Variants in APBA1 observed in about 807,000 individuals in gnomAD.
APBA1 encodes amyloid beta precursor protein binding family A member 1.
In APBA1, 55 loss-of-function variants were observed where a neutral mutation model predicts 86.6. That is an observed-to-expected ratio of 0.64 (90% confidence interval 0.51 to 0.80). APBA1 has a LOEUF of 0.80. Ranked by LOEUF, APBA1 falls within the 30% of genes least tolerant of loss-of-function variation. The probability of loss-of-function intolerance (pLI) is 0.00; values close to 1 mark genes in which losing one functional copy is unlikely to be tolerated. For synonymous variants in APBA1, 511 were observed against 493.9 expected, an observed-to-expected ratio of 1.03 and a Z score of -0.46; for missense variants, 1,090 against 1,183.0, an observed-to-expected ratio of 0.92 and a Z score of 1.15.
rs1439369031 is a variant in APBA1, at chr9:69,523,553, A to ACACC, written c.-69-6275_-69-6274insGGTG. On this transcript the variant is annotated intron_variant, in intron 1 of 12. Coordinates refer to ENST00000265381, the MANE Select transcript of APBA1 (RefSeq NM_001163.4). Reference sequence around the variant, plus strand: ...TATATAGACACACACACACACACACACCCAACATTAGAGCACCCAGATTCA... The same window carrying ACACC: ...TATATAGACACACACACACACACACACACCCCCAACATTAGAGCACCCAGATTCA... Among the ~76,000 whole-genome samples the ACACC allele has an allele frequency of 6.0e-4, 77 of 128,274 alleles. 1 individual carries two copies. Among genetic ancestry groups the ACACC allele is most frequent in the African/African-American group, 1.9e-3 (69 of 35,734 alleles). 84.2% of individuals were successfully genotyped at this position (128,274 alleles called of 152,430 possible). A position where few individuals can be genotyped will look rare whatever the true frequency, so the allele number is the denominator to read the frequency against.
chr9:69,483,450 G>T (rs927297103), intron 2 of APBA1, among the ~76,000 whole-genome samples: 3 of 152,030 alleles, frequency 2.0e-5, no homozygotes, highest in Non-Finnish European at 2.9e-5. Flanking sequence ...GGATAATATT[G>T]CACACAGCAA....
At chr9:69,517,367 A>G (rs1264018925) in intron 1 of APBA1, 88 bp from the exon 2 acceptor site, 54 of 1,251,070 alleles carry the variant, frequency 4.3e-5, no homozygotes, top group Non-Finnish European at 5.4e-5. Context: ...AACAACTGCT[A>G]TTGATTCCTT....
At chr9:69,466,364 G>A (rs149997162) in intron 5 of APBA1, among the ~76,000 whole-genome samples, 9 of 152,354 alleles carry the variant, frequency 5.9e-5, no homozygotes, top group African/African-American at 1.9e-4. Flanking sequence ...GTCTGGACAC[G>A]TGACTAACGT....
At chr9:69,658,228 CTTTCTTTCTTTCTTTCTTTCTT>C (rs1823655891) in intron 1 of APBA1, among the ~76,000 whole-genome samples, 3 of 15,104 alleles carry the variant, frequency 2.0e-4, no homozygotes, top group African/African-American at 2.9e-4. Flanking sequence ...TTCTCTCTTT[CTTTCTTTCTTTCTTTCTTTCTT>C]TCTTTCTTTC....
chr9:69,635,333 G>A (rs1224306233), intron 1 of APBA1, among the ~76,000 whole-genome samples: 1 of 151,846 alleles, frequency 6.6e-6, no homozygotes, highest in East Asian at 1.9e-4. Context: ...CAAGCCTCAT[G>A]GTAACCCCAA....
chr9:69,619,287 T>TG (rs1231475800), intron 1 of APBA1, among the ~76,000 whole-genome samples: 1 of 152,232 alleles, frequency 6.6e-6, no homozygotes, highest in African/African-American at 2.4e-5. Flanking sequence ...AAACACACTC[T>TG]GAGTCATTCA....
At chr9:69,615,873 C>T (rs1490854557) in intron 1 of APBA1, among the ~76,000 whole-genome samples, 1 of 152,104 alleles carries the variant, frequency 6.6e-6, no homozygotes, top group East Asian at 1.9e-4. Flanking sequence ...GATGTATGGG[C>T]CACAGCAAGC....
chr9:69,568,555 G>A (rs909417420), intron 1 of APBA1, among the ~76,000 whole-genome samples: 2 of 152,088 alleles, frequency 1.3e-5, no homozygotes, highest in African/African-American at 2.4e-5. Flanking sequence ...AAGTATTTCC[G>A]TGCTTCTTCC....
intron 1 of APBA1, among the ~76,000 whole-genome samples, chr9:69,604,839 AG>A (rs1276277539): frequency 1.3e-5 from 2 of 149,258 alleles, no homozygotes; most frequent in African/African-American, 5.0e-5. Flanking sequence ...TGCACACATG[AG>A]GGTAAGAGGA....
rs1202433695 is a variant in APBA1, at chr9:69,518,763, G to A, written c.-69-1484C>T. 2.0e-5 allele frequency among the ~76,000 whole-genome samples: 3 copies of A among 152,004 alleles called. No homozygotes were observed. The East Asian group carries it at 5.8e-4, about 29-fold the overall frequency. On this transcript the variant is annotated intron_variant, in intron 1 of 12. Transcript: ENST00000265381. Reference sequence around the variant, plus strand: ...TTAAATATGATAACAGACAACCCCAGGAGGACCAGGGACATCTGATGGACT... The same window carrying A: ...TTAAATATGATAACAGACAACCCCAAGAGGACCAGGGACATCTGATGGACT...
In APBA1 at chr9:69,531,016, G is replaced by C. The variant is rs116682549; in HGVS notation, c.-69-13737C>G. Among the ~76,000 whole-genome samples, 433 of 152,030 alleles carry C rather than the reference G, an allele frequency of 2.8e-3. 3 individuals are homozygous for C. Among genetic ancestry groups the C allele is most frequent in the African/African-American group, 1.0e-2 (413 of 41,484 alleles). On this transcript the variant is annotated intron_variant, in intron 1 of 12. Transcript: ENST00000265381. Reference sequence around the variant, plus strand: ...ATGCACATTAAAATTTTTTTAAAAAGAAAATTTTAATATTTTATCTAATAT... The same window carrying C: ...ATGCACATTAAAATTTTTTTAAAAACAAAATTTTAATATTTTATCTAATAT...
At chr9:69,575,213 C>T (rs774034592) in intron 1 of APBA1, among the ~76,000 whole-genome samples, 16 of 152,130 alleles carry the variant, frequency 1.1e-4, no homozygotes, top group South Asian at 2.1e-4. Context: ...CCACTGCACC[C>T]GGCCCAATTA....
intron 3 of APBA1, chr9:69,474,186 A>G (rs1260580723): frequency 6.6e-6 from 1 of 152,176 alleles, no homozygotes; most frequent in Admixed American, 6.5e-5. Context: ...TTGGAGGCAC[A>G]ATTGGACAAC....
chr9:69,566,666 T>G (rs1353083061), intron 1 of APBA1, among the ~76,000 whole-genome samples: 1 of 152,154 alleles, frequency 6.6e-6, no homozygotes, highest in African/African-American at 2.4e-5. Context: ...AAAACTCTCC[T>G]TTCTCAAGCA....
intron 1 of APBA1, among the ~76,000 whole-genome samples, chr9:69,544,130 T>C (rs1490129965): frequency 6.6e-6 from 1 of 152,214 alleles, no homozygotes; most frequent in African/African-American, 2.4e-5. Flanking sequence ...TAGGCTGAAT[T>C]TAAACTTTCC....
chr9:69,595,441 C>A (rs1260093499), intron 1 of APBA1, among the ~76,000 whole-genome samples: 1 of 152,082 alleles, frequency 6.6e-6, no homozygotes, highest in Non-Finnish European at 1.5e-5. Flanking sequence ...TTGTCTGGTG[C>A]CCCCTGCTCT....
Position 69,516,225 on chromosome 9 carries a change from G to T in APBA1, c.986C>A (p.Ala329Glu). 6.7e-7 allele frequency: 1 copy of T among 1,483,802 alleles called. No homozygotes were observed. Among genetic ancestry groups the T allele is most frequent in the Non-Finnish European group, 9.0e-7 (1 of 1,114,436 alleles). The allele number at this position is 1,483,802 out of a possible 1,614,324, so 91.9% of individuals were successfully genotyped here. Residue 329 changes from alanine to glutamate, a missense_variant, in exon 2 of 13, where the codon GCG (alanine) becomes GAG (glutamate). Coordinates refer to ENST00000265381, the MANE Select transcript of APBA1 (RefSeq NM_001163.4). This position sits in a 1 kb window ranked among gnomAD's most constrained non-coding sequence, Gnocchi z 7.3. ...PAGQQRAVGPAGGGEAGQRYS... is the reference protein window; with the variant it reads ...PAGQQRAVGPEGGGEAGQRYS... ...CCGCTGCCCCGCCTCGCCGCCGCCCGCGGGGCCCACCGCCCGCTGCTGCCC... is the reference window on the plus strand; with the variant it reads ...CCGCTGCCCCGCCTCGCCGCCGCCCTCGGGGCCCACCGCCCGCTGCTGCCC...
chr9:69,576,310 G>T (rs1215633878), intron 1 of APBA1, among the ~76,000 whole-genome samples: 4 of 152,120 alleles, frequency 2.6e-5, no homozygotes, highest in African/African-American at 9.7e-5. Context: ...CGATTCCTCA[G>T]GATCTAGAAC....
intron 1 of APBA1, among the ~76,000 whole-genome samples, chr9:69,577,995 T>G (rs1201848432): frequency 6.6e-6 from 1 of 152,168 alleles, no homozygotes. Context: ...CACTTTCTTC[T>G]GTACCTCTCA....
Sources: gnomAD v4.1 joint callset for allele counts (sites outside exome capture counted in the v4.1 genomes callset) on GRCh38, gnomAD v4.1.1 for gene constraint, Gnocchi (gnomAD v3.1) non-coding constraint, MANE v1.5 for transcripts, NCBI Gene and HGNC (gene_info 2026-07-23, HGNC 2026-07-21) for gene names.